The following TUBB1 variants were observed in gnomAD, a reference collection of about 807,000 sequenced individuals.
The protein encoded by TUBB1 is tubulin beta 1 class VI.
In TUBB1, 28 loss-of-function variants were observed where a neutral mutation model predicts 22.6. That is an observed-to-expected ratio of 1.24 (90% CI 0.92 to 1.70). The LOEUF (loss-of-function observed/expected upper bound fraction) is 1.70, where lower values mean the gene tolerates loss of function less well. Ranked by LOEUF, TUBB1 falls within the 40% of genes most tolerant of loss-of-function variation. The pLI is 0.00. For missense variants in TUBB1, 577 were observed against 605.5 expected, an observed-to-expected ratio of 0.95 and a Z score of 0.49; for synonymous variants, 226 against 238.0, an observed-to-expected ratio of 0.95 and a Z score of 0.46.
upstream of TUBB1, among the ~76,000 whole-genome samples, chr20:59,018,050 T>C (rs1189038365): frequency 6.6e-6 from 1 of 152,246 alleles, no homozygotes; most frequent in African/African-American, 2.4e-5. Flanking sequence ...GGCCTTGCCC[T>C]GTACCTGCCC....
chr20:59,024,237 T>A lies in TUBB1; in HGVS notation c.810T>A (p.Phe270Leu), dbSNP rs1389479127. The change falls in exon 4 of 4, where the codon TTT (phenylalanine) becomes TTA (leucine). Residue 270 changes from phenylalanine to leucine, a missense_variant. By Grantham distance (22) the Phe-to-Leu change is conservative. Transcript: ENST00000217133. The surrounding 1 kb of genome is among the most constrained non-coding windows in gnomAD (Gnocchi z 4.9). ...FPRLHFFMPGFAPLTAQGSQQ... is the reference protein window; with the variant it reads ...FPRLHFFMPGLAPLTAQGSQQ... ...GCCTGCACTTCTTTATGCCCGGCTT[T>A]GCCCCACTCACGGCCCAGGGCAGCC... 6 of 1,614,050 alleles carry A rather than the reference T, an allele frequency of 3.7e-6. No individual in the cohort carries two copies. In the East Asian group the frequency reaches 1.3e-4, roughly 36 times the overall value.
Position 59,022,944 on chromosome 20 carries a change from G to T in TUBB1, c.157G>T (p.Glu53Ter). ...QLERISVYYN[E>*]AYGRKYVPRA... ...GGAGAGAATCAGCGTGTACTACAAC[G>T]AAGCCTACGGTAGGACTGGCGGGGC... The change falls in exon 2 of 4, where the codon GAA becomes TAA. Residue 53 changes from glutamate (E) to a stop codon, truncating the protein, a stop_gained. Transcript: ENST00000217133. LOFTEE classifies it high-confidence loss of function. 6.2e-7 allele frequency: 1 copy of T among 1,613,848 alleles called. No homozygotes were observed. The highest frequency in any genetic ancestry group is 1.3e-5 in the African/African-American group (1 of 74,992).
At chr20:59,019,072 G>A (rs913202956), upstream of TUBB1, among the ~76,000 whole-genome samples, 2 of 152,212 alleles carry the variant, frequency 1.3e-5, no homozygotes, top group Non-Finnish European at 2.9e-5. Flanking sequence ...AAGGGGCCGG[G>A]AAGATGGACA....
upstream of TUBB1, among the ~76,000 whole-genome samples, chr20:59,017,835 A>G (rs895172801): frequency 6.6e-6 from 1 of 152,212 alleles, no homozygotes. Context: ...CAGAGTTCCA[A>G]GAGTGCAGGA....
At chr20:59,021,273 C>T (rs547589780) in intron 1 of TUBB1, among the ~76,000 whole-genome samples, 13 of 152,284 alleles carry the variant, frequency 8.5e-5, no homozygotes, top group African/African-American at 3.1e-4. Context: ...TATGGTCTAG[C>T]GTTGAGAGTC....
At chr20:59,021,020 A>G (rs571792619) in intron 1 of TUBB1, among the ~76,000 whole-genome samples, 102 of 152,322 alleles carry the variant, frequency 6.7e-4, no homozygotes, top group Admixed American at 1.9e-3. Flanking sequence ...TACTGTGAGT[A>G]ATGCTGCCAG....
chr20:59,024,321 T>C lies in TUBB1; in HGVS notation c.894T>C (p.Asn298=), dbSNP rs749836434. The C allele has an allele frequency of 2.5e-6, 4 of 1,613,754 alleles. No homozygotes were observed. The highest frequency in any genetic ancestry group is 2.2e-5 in the East Asian group (1 of 44,876). Residue 298 remains asparagine (N), a synonymous_variant, in exon 4 of 4, where the codon AAT becomes AAC. Coordinates refer to ENST00000217133, the MANE Select transcript of TUBB1 (RefSeq NM_030773.4). The surrounding 1 kb of genome is among the most constrained non-coding windows in gnomAD (Gnocchi z 4.9). ...ELTQQMFDAR[N]TMAACDLRRG... is the part of the protein sequence containing the mutation. The stretch of plus-strand genomic sequence containing the variant: ...CCCAGCAGATGTTCGATGCCCGCAA[T>C]ACCATGGCTGCCTGTGACCTCCGCC...
chr20:59,021,251 A>T (rs565179545), intron 1 of TUBB1, among the ~76,000 whole-genome samples: 3 of 152,270 alleles, frequency 2.0e-5, no homozygotes, highest in African/African-American at 7.2e-5. Flanking sequence ...TTTAGCTCTC[A>T]CTCTGGAATC....
intron 1 of TUBB1, among the ~76,000 whole-genome samples, chr20:59,020,712 ATAAT>A (rs895911016): frequency 5.3e-5 from 8 of 152,228 alleles, no homozygotes; most frequent in Admixed American, 3.9e-4. Flanking sequence ...GTACAGTAAC[ATAAT>A]TAATTAAAAT....
chr20:59,019,407 C>T (rs2091957879), upstream of TUBB1: 6 of 1,276,434 alleles, frequency 4.7e-6, no homozygotes, highest in Non-Finnish European at 6.8e-6. Context: ...CTTGGTTGGC[C>T]AGTCCCACCA....
In TUBB1 at chr20:59,022,867, A is replaced by T. The variant is rs2091973894; in HGVS notation, c.80A>T (p.Glu27Val). Residue 27 changes from glutamate to valine, a missense_variant, in exon 2 of 4, where the codon GAA becomes GTA. Physicochemically the swap from Glu to Val is moderately radical, Grantham distance 121. Coordinates refer to ENST00000217133, the MANE Select transcript of TUBB1 (RefSeq NM_030773.4). ...GAKFWEMIGE[E>V]HGIDLAGSDR... ...CAGTTCTGGGAGATGATTGGTGAGG[A>T]ACACGGGATCGACTTGGCTGGGAGC... 1.2e-6 allele frequency: 2 copies of T among 1,614,116 alleles called. No homozygotes were observed. Among genetic ancestry groups the T allele is most frequent in the Non-Finnish European group, 1.7e-6 (2 of 1,180,026 alleles).
At chr20:59,018,950 C>T (rs1051274100), upstream of TUBB1, among the ~76,000 whole-genome samples, 3 of 152,174 alleles carry the variant, frequency 2.0e-5, no homozygotes, top group African/African-American at 7.2e-5. Context: ...TGGGGGAGGG[C>T]GGGCAGACAG....
At chr20:59,020,039 C>A (rs1386193584) in intron 1 of TUBB1, among the ~76,000 whole-genome samples, 1 of 151,930 alleles carries the variant, frequency 6.6e-6, no homozygotes, top group Non-Finnish European at 1.5e-5. Flanking sequence ...CTATGCCTGG[C>A]TAATTTTTAA....
chr20:59,024,891 G>C lies in TUBB1; in HGVS notation c.*108G>C. ...CACTCTGCACTGCAGCACAGTGAATGATATGCACTCACCATTAGCTTCGAC... is the reference window on the plus strand; with the variant it reads ...CACTCTGCACTGCAGCACAGTGAATCATATGCACTCACCATTAGCTTCGAC... On this transcript the variant is annotated 3_prime_UTR_variant, in exon 4 of 4. Coordinates refer to ENST00000217133, the MANE Select transcript of TUBB1 (RefSeq NM_030773.4). The surrounding 1 kb of genome is among the most constrained non-coding windows in gnomAD (Gnocchi z 4.9). 1.0e-6 allele frequency: 1 copy of C among 970,126 alleles called. No homozygotes were observed. Among genetic ancestry groups the C allele is most frequent in the Non-Finnish European group, 1.6e-6 (1 of 614,050 alleles). 60.1% of individuals were successfully genotyped at this position (970,126 alleles called of 1,614,324 possible).
At chr20:59,016,560 C>T (rs892801601), upstream of TUBB1, among the ~76,000 whole-genome samples, 5 of 152,042 alleles carry the variant, frequency 3.3e-5, no homozygotes, top group Admixed American at 6.6e-5. Context: ...GCAGGGGCCC[C>T]TGGGTGGGGA....
At position 59,024,543 on chromosome 20, in the gene TUBB1, G is replaced by T. The variant is rs545429143; in HGVS notation, c.1116G>T (p.Thr372=). 11 of 1,614,166 alleles carry T rather than the reference G, an allele frequency of 6.8e-6. No homozygotes were observed. The South Asian group carries it at 1.2e-4, about 18-fold the overall frequency. Residue 372 remains threonine (T), a synonymous_variant, in exon 4 of 4, where the codon ACG becomes ACT. Coordinates refer to ENST00000217133, the MANE Select transcript of TUBB1 (RefSeq NM_030773.4). The surrounding 1 kb of genome is among the most constrained non-coding windows in gnomAD (Gnocchi z 4.9). ...SMAATFIGNN[T]AIQEIFNRVS... Reference sequence around the variant, plus strand: ...CCGCCACCTTCATTGGCAACAACACGGCCATCCAAGAGATCTTTAATAGGG... The same window carrying T: ...CCGCCACCTTCATTGGCAACAACACTGCCATCCAAGAGATCTTTAATAGGG...
In TUBB1 at chr20:59,024,044, C is replaced by A; in HGVS notation, c.617C>A (p.Ala206Asp). ...ADACFCIDNE[A>D]LYDICFRTLK... ...GCCTGTTTCTGCATTGACAATGAGG[C>A]CCTCTATGACATCTGCTTCCGTACC... Residue 206 changes from alanine to aspartate, a missense_variant, in exon 4 of 4, where the codon GCC (alanine) becomes GAC (aspartate). Ala to Asp is a moderately radical substitution (Grantham distance 126, BLOSUM62 -2). Coordinates refer to ENST00000217133, the MANE Select transcript of TUBB1 (RefSeq NM_030773.4). The surrounding 1 kb of genome is among the most constrained non-coding windows in gnomAD (Gnocchi z 4.9). 3 of 1,614,180 alleles carry A rather than the reference C, an allele frequency of 1.9e-6. No homozygotes were observed. The highest frequency in any genetic ancestry group is 2.2e-5 in the South Asian group (2 of 91,080).
At chr20:59,021,354 A>G (rs1410978150) in intron 1 of TUBB1, among the ~76,000 whole-genome samples, 2 of 151,874 alleles carry the variant, frequency 1.3e-5, no homozygotes, top group Admixed American at 6.6e-5. Flanking sequence ...TAGAACTTGA[A>G]TTTATTTATT....
In TUBB1 at chr20:59,025,033, C is replaced by G; in HGVS notation, c.*250C>G. The G allele has an allele frequency of 1.8e-6, 1 of 542,346 alleles. No individual in the cohort carries two copies. Among genetic ancestry groups the G allele is most frequent in the East Asian group, 3.2e-5 (1 of 31,152 alleles). The allele number at this position is 542,346 out of a possible 1,614,324, so 33.6% of individuals were successfully genotyped here. ...CATACTTATTAACTTAAAAAAATAG[C>G]AAATTTATTGTAAAGTGCTCCCTTT... is the stretch of plus-strand genomic sequence containing the variant. On this transcript the variant is annotated 3_prime_UTR_variant, in exon 4 of 4. Coordinates refer to ENST00000217133, the MANE Select transcript of TUBB1 (RefSeq NM_030773.4).
Sources: allele counts gnomAD v4.1 joint callset (sites outside exome capture counted in the v4.1 genomes callset), GRCh38; gene constraint gnomAD v4.1.1; non-coding constraint Gnocchi (gnomAD v3.1); transcripts MANE v1.5; gene names NCBI Gene and HGNC (gene_info 2026-07-23, HGNC 2026-07-21).